CACNA1C: variants seen among roughly 807,000 people sequenced by gnomAD.
The protein encoded by CACNA1C is voltage-dependent L-type calcium channel subunit alpha-1C.
Under a neutral mutation model 229.0 loss-of-function variants are expected in CACNA1C, and 30 were observed. The ratio of observed to expected loss-of-function variants is 0.13; its 90% CI spans 0.10 to 0.18. CACNA1C has a LOEUF of 0.18. CACNA1C is among the 10% of genes least tolerant of loss of function. The pLI is 1.00. For synonymous variants in CACNA1C, 1,114 were observed against 1,132.5 expected (o/e 0.98, Z 0.33); for missense variants, 1,658 against 2,845.0 (o/e 0.58, Z 9.49).
chr12:2,359,078 C>A (rs943370157), intron 3 of CACNA1C, among the ~76,000 whole-genome samples: 2 of 152,186 alleles, frequency 1.3e-5, no homozygotes, highest in Non-Finnish European at 2.9e-5. Flanking sequence ...AAGCTTTTTG[C>A]CTTCCTTAAA....
At chr12:2,256,031 G>T (rs4397911) in intron 3 of CACNA1C, among the ~76,000 whole-genome samples, 243 of 127,574 alleles carry the variant, frequency 1.9e-3, no homozygotes, top group Middle Eastern at 8.1e-3. Flanking sequence ...ACAATCACAC[G>T]ATCCTGACCT....
intron 1 of CACNA1C, among the ~76,000 whole-genome samples, chr12:2,038,862 C>T (rs971423699): frequency 6.6e-6 from 1 of 152,046 alleles, no homozygotes; most frequent in Non-Finnish European, 1.5e-5. Context: ...AACACCCTGA[C>T]TGTCCTGTGC....
intron 9 of CACNA1C, among the ~76,000 whole-genome samples, chr12:2,515,095 T>A (rs1345662042): frequency 6.6e-6 from 1 of 152,226 alleles, no homozygotes; most frequent in Non-Finnish European, 1.5e-5. Context: ...GGGGGTCTGT[T>A]TCTTGTCCTA....
rs527426781 is a variant in CACNA1C at position 2,275,948 on chromosome 12, AC to A, written c.477+155522del. Among the ~76,000 whole-genome samples the A allele has an allele frequency of 6.6e-6, 1 of 151,988 alleles. No individual in the cohort carries two copies. The highest frequency in any genetic ancestry group is 1.5e-5 in the Non-Finnish European group (1 of 68,012). ...TGTCTGTGGGGAGACTGATTCCTGGACCCCTCTCAGATACAAAACCCAAGGA... is the reference window on the plus strand; with the variant it reads ...TGTCTGTGGGGAGACTGATTCCTGGACCCTCTCAGATACAAAACCCAAGGA... On this transcript the variant is annotated intron_variant, in intron 3 of 46. Coordinates refer to ENST00000399655, the MANE Select transcript of CACNA1C (RefSeq NM_000719.7). The surrounding 1 kb of genome is among the most constrained non-coding windows in gnomAD (Gnocchi z 4.1).
chr12:2,032,118 A>G (rs1196450159), intron 1 of CACNA1C, among the ~76,000 whole-genome samples: 2 of 151,964 alleles, frequency 1.3e-5, no homozygotes, highest in Non-Finnish European at 2.9e-5. Context: ...GAGTGGGAGC[A>G]CGGCTTGCGG....
At chr12:2,098,716 A>G (rs2075265226) in intron 1 of CACNA1C, among the ~76,000 whole-genome samples, 1 of 152,226 alleles carries the variant, frequency 6.6e-6, no homozygotes, top group Non-Finnish European at 1.5e-5. Context: ...TGGGAAAAAG[A>G]GTTTTAAAAA....
At chr12:2,166,177 G>A (rs1287531837) in intron 3 of CACNA1C, among the ~76,000 whole-genome samples, 1 of 152,178 alleles carries the variant, frequency 6.6e-6, no homozygotes, top group Admixed American at 6.5e-5. Flanking sequence ...CAAACATTCT[G>A]TGCTGCTGGG....
intron 43 of CACNA1C, among the ~76,000 whole-genome samples, chr12:2,684,627 T>C (rs79829441): frequency 1.3e-5 from 2 of 152,234 alleles, no homozygotes; most frequent in East Asian, 3.9e-4. Flanking sequence ...AGTTTCTCAC[T>C]ACCCCCAGAG....
chr12:2,611,586 A>T (rs2077830143), intron 28 of CACNA1C, among the ~76,000 whole-genome samples: 1 of 147,144 alleles, frequency 6.8e-6, no homozygotes, highest in South Asian at 2.2e-4. Flanking sequence ...GTGTGGAGGG[A>T]GGTGGGTTCT....
At chr12:2,004,608 G>T in intron 1 of CACNA1C, 2 of 873,252 alleles carry the variant, frequency 2.3e-6, no homozygotes, top group Admixed American at 3.1e-5. Flanking sequence ...CTCACTAATC[G>T]ATGGCCGCGC....
intron 3 of CACNA1C, among the ~76,000 whole-genome samples, chr12:2,182,219 A>G (rs1022262682): frequency 1.3e-5 from 2 of 152,194 alleles, no homozygotes; most frequent in Admixed American, 6.5e-5. Flanking sequence ...AACAGCCACC[A>G]TAAAATTGTG....
At chr12:2,535,730 A>AAAAAAAAAAAAAAAC (rs2099853014) in intron 9 of CACNA1C, among the ~76,000 whole-genome samples, 1 of 150,106 alleles carries the variant, frequency 6.7e-6, no homozygotes, top group Admixed American at 6.6e-5. Context: ...AAAAAAAAAA[A>AAAAAAAAAAAAAAAC]AAACCTAAAA....
Position 2,053,304 on chromosome 12 carries a change from G to A in CACNA1C, c.-259G>A. The A allele has an allele frequency of 1.7e-6, 2 of 1,210,246 alleles. No individual in the cohort carries two copies. Among genetic ancestry groups the A allele is most frequent in the Non-Finnish European group, 1.0e-6 (1 of 970,584 alleles). The allele number at this position is 1,210,246 out of a possible 1,614,324, so 75.0% of individuals were successfully genotyped here. ...GGTGCGGTGCTCAGTTCTTGGAAGG[G>A]GCCCGGATGTACTGAGGATGCGTTA... On this transcript the variant is annotated 5_prime_UTR_variant, in exon 1 of 47. Coordinates refer to ENST00000399655, the MANE Select transcript of CACNA1C (RefSeq NM_000719.7). The surrounding 1 kb of genome is among the most constrained non-coding windows in gnomAD (Gnocchi z 5.8).
intron 3 of CACNA1C, among the ~76,000 whole-genome samples, chr12:2,429,387 G>A (rs563504970): frequency 3.3e-5 from 5 of 152,128 alleles, no homozygotes; most frequent in East Asian, 1.9e-4. Context: ...CGCTCTCCTC[G>A]GCTAACAGAG....
intron 3 of CACNA1C, among the ~76,000 whole-genome samples, chr12:2,127,873 T>C (rs1223744984): frequency 6.6e-6 from 1 of 152,222 alleles, no homozygotes; most frequent in African/African-American, 2.4e-5. Flanking sequence ...TAATGCTTGC[T>C]TAGTCATTGT....
intron 7 of CACNA1C, among the ~76,000 whole-genome samples, chr12:2,496,357 G>A (rs780420462): frequency 2.6e-5 from 4 of 152,172 alleles, no homozygotes; most frequent in Non-Finnish European, 5.9e-5. Context: ...CAAGTCTAAA[G>A]GACTTGAGAA....
At chr12:2,174,920 C>T (rs536528151) in intron 3 of CACNA1C, among the ~76,000 whole-genome samples, 1 of 152,254 alleles carries the variant, frequency 6.6e-6, no homozygotes, top group South Asian at 2.1e-4. Flanking sequence ...TCTTCATCCT[C>T]CTTGTCTTCA....
At chr12:2,290,231 G>A (rs2093331598) in intron 3 of CACNA1C, among the ~76,000 whole-genome samples, 1 of 152,220 alleles carries the variant, frequency 6.6e-6, no homozygotes, top group Non-Finnish European at 1.5e-5. Context: ...CTCCTGGCCA[G>A]CGCCTGCCTT....
intron 3 of CACNA1C, among the ~76,000 whole-genome samples, chr12:2,240,554 A>G (rs949196839): frequency 3.9e-5 from 6 of 152,198 alleles, no homozygotes; most frequent in Non-Finnish European, 8.8e-5. Flanking sequence ...CTGAGCCACA[A>G]GCTGGCTGGA....
Sources: gnomAD v4.1 joint callset for allele counts (sites outside exome capture counted in the v4.1 genomes callset) on GRCh38, gnomAD v4.1.1 for gene constraint, Gnocchi (gnomAD v3.1) non-coding constraint, MANE v1.5 for transcripts, NCBI Gene and HGNC (gene_info 2026-07-23, HGNC 2026-07-21) for gene names.